HDX: variants seen among roughly 807,000 people sequenced by gnomAD.
The protein encoded by HDX is chromosome X open reading frame 43.
A neutral mutation model predicts 45.2 loss-of-function variants in HDX; 19 were observed. That is an observed-to-expected ratio of 0.42 (90% CI 0.29 to 0.62). The LOEUF (loss-of-function observed/expected upper bound fraction) is 0.62. HDX is among the 20% of genes least tolerant of loss of function. HDX has a pLI of 0.20. For synonymous variants in HDX, 188 were observed against 172.8 expected (o/e 1.09, Z -0.69); for missense variants, 532 against 493.9 (o/e 1.08, Z -0.73).
intron 5 of HDX, among the ~76,000 whole-genome samples, chrX:84,394,250 G>A (rs1454867260): frequency 9.0e-6 from 1 of 110,906 alleles, no homozygotes; most frequent in African/African-American, 3.3e-5. Flanking sequence ...TTTCTTTATT[G>A]ATCCAATAGT....
chrX:84,333,337 C>T (rs2036884517), intron 9 of HDX, among the ~76,000 whole-genome samples: 1 of 111,268 alleles, frequency 9.0e-6, no homozygotes, highest in Non-Finnish European at 1.9e-5. Context: ...CAAACTTCTC[C>T]TATAACAGCT....
At chrX:84,379,065 G>A (rs1008535016) in intron 5 of HDX, among the ~76,000 whole-genome samples, 24 of 109,573 alleles carry the variant, frequency 2.2e-4, no homozygotes, top group African/African-American at 5.9e-4. Flanking sequence ...AACAAAGAAG[G>A]TCACTATATA....
intron 5 of HDX, among the ~76,000 whole-genome samples, chrX:84,402,389 G>A (rs2147959748): frequency 9.0e-6 from 1 of 111,640 alleles, no homozygotes; most frequent in South Asian, 3.7e-4. Flanking sequence ...ATATAGAATA[G>A]TTTGACTATC....
intron 5 of HDX, among the ~76,000 whole-genome samples, chrX:84,382,485 C>T (rs1247905938): frequency 9.0e-6 from 1 of 111,624 alleles, no homozygotes; most frequent in Non-Finnish European, 1.9e-5. Context: ...AAATATAGTA[C>T]GTACACACAA....
At chrX:84,323,385 T>C (rs915008735) in intron 10 of HDX, among the ~76,000 whole-genome samples, 3 of 110,908 alleles carry the variant, frequency 2.7e-5, no homozygotes, top group African/African-American at 9.8e-5. Flanking sequence ...GGCTGATCAG[T>C]CTATATGACA....
chrX:84,409,372 G>A (rs1382549112), intron 5 of HDX, among the ~76,000 whole-genome samples: 2 of 110,664 alleles, frequency 1.8e-5, no homozygotes, highest in Admixed American at 9.6e-5. Flanking sequence ...CCCATTACTG[G>A]GTATATACCC....
At chrX:84,334,633 G>A (rs1242638714) in intron 8 of HDX, among the ~76,000 whole-genome samples, 1 of 99,855 alleles carries the variant, frequency 1.0e-5, no homozygotes. Context: ...ACCATGAGGG[G>A]GCAAGTTCTC....
At chrX:84,339,275 A>G (rs1179599271) in intron 7 of HDX, among the ~76,000 whole-genome samples, 1 of 111,613 alleles carries the variant, frequency 9.0e-6, no homozygotes, top group Non-Finnish European at 1.9e-5. Context: ...CAGACATTTC[A>G]ATTCCTATGT....
chrX:84,371,863 C>T (rs989181422), intron 5 of HDX, among the ~76,000 whole-genome samples: 1 of 111,842 alleles, frequency 8.9e-6, no homozygotes, highest in Non-Finnish European at 1.9e-5. Flanking sequence ...GCGGCAAGCT[C>T]CTGCAATATG....
In HDX at chrX:84,418,228, G is replaced by A. The variant is rs755216969; in HGVS notation, c.1305+22304C>T. Among the ~76,000 whole-genome samples, 8 of 111,662 alleles carry A rather than the reference G, an allele frequency of 7.2e-5. No individual in the cohort carries two copies. The East Asian group carries it at 1.1e-3, about 16-fold the overall frequency. On this transcript the variant is annotated intron_variant, in intron 5 of 10. Transcript: ENST00000373177. The stretch of plus-strand genomic sequence containing the variant: ...AGAAAAGTTACACAATCAAATGAAC[G>A]AACTAAATCTCCAGTAAATTACCTT...
chrX:84,417,103 G>A (rs999534089), intron 5 of HDX, among the ~76,000 whole-genome samples: 1 of 108,217 alleles, frequency 9.2e-6, no homozygotes, highest in African/African-American at 3.4e-5. Flanking sequence ...GCAGTGAGCT[G>A]AGTTCATACC....
intron 2 of HDX, among the ~76,000 whole-genome samples, chrX:84,486,518 T>C (rs1170492323): frequency 8.9e-6 from 1 of 112,003 alleles, no homozygotes; most frequent in Non-Finnish European, 1.9e-5. Flanking sequence ...GAATTTACTT[T>C]AACATTTTTA....
chrX:84,390,879 T>G (rs1409308386), intron 5 of HDX, among the ~76,000 whole-genome samples: 8 of 111,743 alleles, frequency 7.2e-5, no homozygotes, highest in Non-Finnish European at 1.3e-4. Context: ...ATGTATTTGT[T>G]GCATGCATAG....
Position 84,423,107 on chromosome X carries a change from A to G in HDX, c.1305+17425T>C, listed in dbSNP as rs192363471. 1.5e-3 allele frequency among the ~76,000 whole-genome samples: 171 copies of G among 111,241 alleles called. 1 individual carries two copies. The highest frequency in any genetic ancestry group is 5.1e-3 in the African/African-American group (155 of 30,653). On this transcript the variant is annotated intron_variant, in intron 5 of 10. Coordinates refer to ENST00000373177, the MANE Select transcript of HDX (RefSeq NM_001177479.2). ...AGTTAAAGGATCCTCAGTGGCTACTATAAGCAACTATATGACAAATTAATC... is the reference window on the plus strand; with the variant it reads ...AGTTAAAGGATCCTCAGTGGCTACTGTAAGCAACTATATGACAAATTAATC...
chrX:84,478,182 A>C (rs1489623214), intron 2 of HDX, among the ~76,000 whole-genome samples: 1 of 111,924 alleles, frequency 8.9e-6, no homozygotes, highest in Non-Finnish European at 1.9e-5. Flanking sequence ...CTAGGCTCTT[A>C]AGTTTATATA....
At chrX:84,462,741 TAATG>T (rs1002325683) in intron 4 of HDX, among the ~76,000 whole-genome samples, 1 of 111,237 alleles carries the variant, frequency 9.0e-6, no homozygotes, top group Admixed American at 9.6e-5. Context: ...AGAAAAAAAT[TAATG>T]AAATAGAAAT....
rs781394239 is a variant in HDX, at chrX:84,367,245, A to T, written c.1306-5633T>A. Among the ~76,000 whole-genome samples, 15 of 112,644 alleles carry T rather than the reference A, an allele frequency of 1.3e-4. No individual in the cohort carries two copies. The East Asian group carries it at 1.4e-3, about 11-fold the overall frequency. ...ATTTATGAGGCCAACAAACATATTT[A>T]AAAAAAGCTCATCATCACTGGTCAT... is the stretch of plus-strand genomic sequence containing the variant. On this transcript the variant is annotated intron_variant, in intron 5 of 10. Coordinates refer to ENST00000373177, the MANE Select transcript of HDX (RefSeq NM_001177479.2).
chrX:84,394,191 G>A (rs2038507425), intron 5 of HDX, among the ~76,000 whole-genome samples: 1 of 111,095 alleles, frequency 9.0e-6, no homozygotes, highest in Admixed American at 9.6e-5. Context: ...TAAGTATGAG[G>A]TATTCTCATT....
At chrX:84,440,417 G>A (rs2039734770) in intron 5 of HDX, 115 bp downstream of exon 5, 3 of 514,881 alleles carry the variant, frequency 5.8e-6, no homozygotes, top group Non-Finnish European at 1.0e-5. Flanking sequence ...AGACAATGTA[G>A]TCCTATCAAG....
Sources: gnomAD v4.1 joint callset for allele counts (sites outside exome capture counted in the v4.1 genomes callset) on GRCh38, gnomAD v4.1.1 for gene constraint, MANE v1.5 for transcripts, NCBI Gene and HGNC (gene_info 2026-07-23, HGNC 2026-07-21) for gene names.